Variants in PCDHGA8 observed in about 807,000 individuals in gnomAD.
PCDHGA8 encodes the protein protocadherin gamma-A8.
Under a neutral mutation model 59.2 loss-of-function variants are expected in PCDHGA8, and 45 were observed. That is an observed-to-expected ratio of 0.76 (90% CI 0.60 to 0.98). PCDHGA8 has a LOEUF of 0.98. Among genes scored for constraint, PCDHGA8 ranks in the 50% least tolerant of loss-of-function variants. The pLI is 0.00. For missense variants in PCDHGA8, 1,257 were observed against 1,196.2 expected (o/e 1.05, Z -0.75); for synonymous variants, 531 against 519.0 (o/e 1.02, Z -0.32).
intron 2 of PCDHGA8, among the ~76,000 whole-genome samples, chr5:141,503,940 C>G (rs890249753): frequency 6.6e-6 from 1 of 152,218 alleles, no homozygotes; most frequent in Non-Finnish European, 1.5e-5. Flanking sequence ...TTCATGCCTT[C>G]AAGGCCTACC....
intron 1 of PCDHGA8, chr5:141,408,465 A>C: frequency 6.2e-7 from 1 of 1,613,960 alleles, no homozygotes. Context: ...CTTGTGAAGA[A>C]CCGAATAGAC....
At chr5:141,437,187 G>A (rs1055878763) in intron 1 of PCDHGA8, among the ~76,000 whole-genome samples, 1 of 152,148 alleles carries the variant, frequency 6.6e-6, no homozygotes, top group Non-Finnish European at 1.5e-5. Context: ...ACTGGGCAAT[G>A]GGTTTGGATG....
chr5:141,511,117 G>A lies in PCDHGA8; in HGVS notation c.2743G>A (p.Ala915Thr). Residue 915 changes from alanine to threonine, a missense_variant, in exon 4 of 4, where the codon GCC becomes ACC. Physicochemically the swap from Ala to Thr is moderately conservative, Grantham distance 58. Coordinates refer to ENST00000398604, the MANE Select transcript of PCDHGA8 (RefSeq NM_032088.2). ...TNAAGKRDGK[A>T]PAGGNGNKKK... ...CGCAGCTGGCAAGCGGGATGGCAAG[G>A]CCCCAGCAGGTGGCAATGGCAACAA... 6.2e-7 allele frequency: 1 copy of A among 1,614,216 alleles called. No homozygotes were observed. Among genetic ancestry groups the A allele is most frequent in the Non-Finnish European group, 8.5e-7 (1 of 1,180,026 alleles).
chr5:141,402,100 A>G (rs1589449876), intron 1 of PCDHGA8, among the ~76,000 whole-genome samples: 1 of 152,220 alleles, frequency 6.6e-6, no homozygotes, highest in South Asian at 2.1e-4. Flanking sequence ...AGTTTAAGCA[A>G]TTACAAAAAT....
At chr5:141,423,940 G>T in intron 1 of PCDHGA8, 1 of 1,217,216 alleles carries the variant, frequency 8.2e-7, no homozygotes, top group Non-Finnish European at 1.0e-6. Context: ...TTTGAAGTAA[G>T]TTGAATTTTA....
At chr5:141,401,076 G>T (rs1589429931) in intron 1 of PCDHGA8, among the ~76,000 whole-genome samples, 1 of 152,174 alleles carries the variant, frequency 6.6e-6, no homozygotes, top group Non-Finnish European at 1.5e-5. Context: ...GGGTGCAGTG[G>T]CTCATGCCTG....
rs925541311 is a variant in PCDHGA8 at position 141,431,452 on chromosome 5, G to C, written c.2424+36215G>C. 11 of 1,613,630 alleles carry C rather than the reference G, an allele frequency of 6.8e-6. No individual in the cohort carries two copies. The highest frequency in any genetic ancestry group is 9.3e-6 in the Non-Finnish European group (11 of 1,179,982). On this transcript the variant is annotated intron_variant, in intron 1 of 3. Transcript: ENST00000398604. The surrounding 1 kb of genome is among the most constrained non-coding windows in gnomAD (Gnocchi z 4.8). ...CAGGCACCGCGCGCATCCGCGTGAT[G>C]GTTCTGGATGCGAACGACAACGCAC...
Position 141,489,601 on chromosome 5 carries a change from G to A in PCDHGA8, c.2425-5206G>A. On this transcript the variant is annotated intron_variant, in intron 1 of 3. Transcript: ENST00000398604. This position sits in a 1 kb window ranked among gnomAD's most constrained non-coding sequence, Gnocchi z 4.5. ...CCCCCTGGAGCTAATCCGTGTAGAG[G>A]TAGAGATCCTGGATCTCAATGACAA... 2 of 1,614,042 alleles carry A rather than the reference G, an allele frequency of 1.2e-6. No individual in the cohort carries two copies. Among genetic ancestry groups the A allele is most frequent in the East Asian group, 4.5e-5 (2 of 44,882 alleles).
At chr5:141,401,278 G>A (rs1355696847) in intron 1 of PCDHGA8, among the ~76,000 whole-genome samples, 4 of 152,160 alleles carry the variant, frequency 2.6e-5, no homozygotes, top group African/African-American at 9.7e-5. Context: ...GCAGGTGGAG[G>A]TTGCGGTGAG....
intron 1 of PCDHGA8, chr5:141,400,710 C>A (rs1480952915): frequency 2.9e-6 from 2 of 693,672 alleles, no homozygotes; most frequent in Non-Finnish European, 4.8e-6. Context: ...AAAGAAGTAG[C>A]CTTATAGATT....
In PCDHGA8 at chr5:141,408,093, G is replaced by C. The variant is rs533105778; in HGVS notation, c.2424+12856G>C. On this transcript the variant is annotated intron_variant, in intron 1 of 3. Transcript: ENST00000398604. ...CCTTTCCCAGCACAGCGGATTGCCA[G>C]CTCCGAGACCCGGGACTCCTCCTGT... The C allele has an allele frequency of 7.0e-6, 10 of 1,429,954 alleles. No homozygotes were observed. In the Admixed American group the frequency reaches 1.4e-4, roughly 20 times the overall value. 88.6% of individuals were successfully genotyped at this position (1,429,954 alleles called of 1,614,324 possible).
chr5:141,482,429 A>G (rs955366858), intron 1 of PCDHGA8, among the ~76,000 whole-genome samples: 1 of 151,366 alleles, frequency 6.6e-6, no homozygotes, highest in African/African-American at 2.4e-5. Flanking sequence ...AAAAATGATA[A>G]TACTGATATT....
chr5:141,510,083 G>A (rs2099879432), intron 3 of PCDHGA8, among the ~76,000 whole-genome samples: 1 of 152,104 alleles, frequency 6.6e-6, no homozygotes, highest in Non-Finnish European at 1.5e-5. Flanking sequence ...CAGAGTGCCT[G>A]GCACACAGTA....
chr5:141,469,711 T>C (rs894622720), intron 1 of PCDHGA8, among the ~76,000 whole-genome samples: 13 of 152,372 alleles, frequency 8.5e-5, no homozygotes, highest in African/African-American at 2.4e-4. Flanking sequence ...AATCACACTA[T>C]TAGGAATTTA....
chr5:141,403,186 C>G, intron 1 of PCDHGA8: 2 of 1,614,012 alleles, frequency 1.2e-6, no homozygotes, highest in Non-Finnish European at 1.7e-6. Flanking sequence ...TCTCTCTGAA[C>G]CCGCGCAGCG....
Position 141,393,488 on chromosome 5 carries a change from A to G in PCDHGA8, c.675A>G (p.Thr225=). 1.9e-6 allele frequency: 3 copies of G among 1,614,066 alleles called. No individual in the cohort carries two copies. The highest frequency in any genetic ancestry group is 2.5e-6 in the Non-Finnish European group (3 of 1,179,908). The change falls in exon 1 of 4, where the codon ACA becomes ACG. Residue 225 remains threonine (T), a synonymous_variant. Coordinates refer to ENST00000398604, the MANE Select transcript of PCDHGA8 (RefSeq NM_032088.2). ...SDGGKPPRSS[T]VRIHVTVLDT... ...GCGGCAAGCCGCCTCGCTCTAGCAC[A>G]GTGCGCATCCACGTGACAGTGTTGG...
Position 141,395,139 on chromosome 5 carries a change from G to C in PCDHGA8, c.2326G>C (p.Ala776Pro). Residue 776 changes from alanine (A) to proline (P), a missense_variant, in exon 1 of 4, where the codon GCA becomes CCA. Transcript: ENST00000398604. ...SHLIFPQPNY[A>P]DMLISQEGCE... ...CCTGATCTTTCCCCAGCCCAACTAC[G>C]CAGACATGCTCATCAGTCAGGAGGG... 1 of 1,614,144 alleles carries C rather than the reference G, an allele frequency of 6.2e-7. No homozygotes were observed.
Position 141,490,532 on chromosome 5 carries a change from C to T in PCDHGA8, c.2425-4275C>T. Reference sequence around the variant, plus strand: ...GAGCTGCTGGCCAGCGATGCTGGTTCACCTTCCCTACACAAACATCTCACC... The same window carrying T: ...GAGCTGCTGGCCAGCGATGCTGGTTTACCTTCCCTACACAAACATCTCACC... On this transcript the variant is annotated intron_variant, in intron 1 of 3. Coordinates refer to ENST00000398604, the MANE Select transcript of PCDHGA8 (RefSeq NM_032088.2). This position sits in a 1 kb window ranked among gnomAD's most constrained non-coding sequence, Gnocchi z 5.4. 6.2e-7 allele frequency: 1 copy of T among 1,614,142 alleles called. No homozygotes were observed. Among genetic ancestry groups the T allele is most frequent in the Non-Finnish European group, 8.5e-7 (1 of 1,180,030 alleles).
intron 1 of PCDHGA8, chr5:141,410,181 T>C: frequency 6.2e-7 from 1 of 1,613,814 alleles, no homozygotes; most frequent in South Asian, 1.1e-5. Context: ...ACCGCCACGC[T>C]TCATCTGGTC....
Sources: gnomAD v4.1 joint callset for allele counts (sites outside exome capture counted in the v4.1 genomes callset) on GRCh38, gnomAD v4.1.1 for gene constraint, Gnocchi (gnomAD v3.1) non-coding constraint, MANE v1.5 for transcripts, NCBI Gene and HGNC (gene_info 2026-07-23, HGNC 2026-07-21) for gene names.